Variants in KCND2 observed in about 807,000 individuals in gnomAD.
KCND2 encodes the protein A-type voltage-gated potassium channel KCND2.
In KCND2, 16 loss-of-function variants were observed where a neutral mutation model predicts 54.4. That is an observed-to-expected ratio of 0.29 (90% CI 0.20 to 0.45). The LOEUF is 0.45. Ranked by LOEUF, KCND2 falls within the 20% of genes least tolerant of loss-of-function variation. The pLI, the probability that KCND2 is intolerant of heterozygous loss-of-function variation, is 1.00. For missense variants in KCND2, 486 were observed against 824.2 expected, an observed-to-expected ratio of 0.59 and a Z score of 5.02; for synonymous variants, 317 against 310.7, an observed-to-expected ratio of 1.02 and a Z score of -0.21.
At chr7:120,626,602 A>G (rs1793167142) in intron 1 of KCND2, among the ~76,000 whole-genome samples, 1 of 152,190 alleles carries the variant, frequency 6.6e-6, no homozygotes, top group Non-Finnish European at 1.5e-5. Context: ...TCAGTCTATA[A>G]TTGATGGCAC....
At chr7:120,645,979 C>T (rs971051827) in intron 1 of KCND2, among the ~76,000 whole-genome samples, 13 of 152,136 alleles carry the variant, frequency 8.5e-5, no homozygotes, top group African/African-American at 3.1e-4. Context: ...AAATAGATAC[C>T]ACTATTTAAG....
At chr7:120,587,016 A>G (rs949310218) in intron 1 of KCND2, among the ~76,000 whole-genome samples, 2 of 152,162 alleles carry the variant, frequency 1.3e-5, no homozygotes, top group Non-Finnish European at 2.9e-5. Flanking sequence ...TGAAATCCAA[A>G]TAGGGATTTT....
chr7:120,309,867 C>A (rs781569766), intron 1 of KCND2, among the ~76,000 whole-genome samples: 4 of 152,058 alleles, frequency 2.6e-5, no homozygotes, highest in African/African-American at 9.7e-5. Flanking sequence ...GTCTACAAAC[C>A]AGTCACAGGG....
intron 1 of KCND2, among the ~76,000 whole-genome samples, chr7:120,540,324 G>A (rs1180583707): frequency 1.3e-5 from 2 of 152,054 alleles, no homozygotes; most frequent in East Asian, 1.9e-4. Flanking sequence ...CTCTCTCCAC[G>A]ATTTTCCCTG....
chr7:120,414,605 A>G (rs774022544), intron 1 of KCND2, among the ~76,000 whole-genome samples: 14 of 152,098 alleles, frequency 9.2e-5, no homozygotes, highest in Non-Finnish European at 2.9e-5. Context: ...CATGCTCAGT[A>G]CTTATCAAAT....
intron 1 of KCND2, among the ~76,000 whole-genome samples, chr7:120,589,172 A>G (rs1243592491): frequency 6.6e-6 from 1 of 152,180 alleles, no homozygotes; most frequent in African/African-American, 2.4e-5. Context: ...GTTAGAAAGT[A>G]GGTGAATATA....
chr7:120,457,429 C>A (rs9656276), intron 1 of KCND2, among the ~76,000 whole-genome samples: 9,325 of 152,206 alleles, frequency 0.061, 876 homozygotes, highest in African/African-American at 0.21. Flanking sequence ...CTGCCAGATA[C>A]CCTAAATCAT....
At chr7:120,441,448 A>G (rs1801943947) in intron 1 of KCND2, among the ~76,000 whole-genome samples, 1 of 152,098 alleles carries the variant, frequency 6.6e-6, no homozygotes, top group Non-Finnish European at 1.5e-5. Flanking sequence ...TTTGATTTTG[A>G]GGCTCATTTT....
In KCND2 at chr7:120,693,286, C is replaced by G. The variant is rs1267455089; in HGVS notation, c.1116-39617C>G. Among the ~76,000 whole-genome samples, 3 of 152,142 alleles carry G rather than the reference C, an allele frequency of 2.0e-5. No homozygotes were observed. The East Asian group carries it at 5.8e-4, about 29-fold the overall frequency. On this transcript the variant is annotated intron_variant, in intron 1 of 5. Coordinates refer to ENST00000331113, the MANE Select transcript of KCND2 (RefSeq NM_012281.3). The stretch of plus-strand genomic sequence containing the variant: ...TATTAATAATCATACTATTCATCCT[C>G]AGAGCACCACGTACTTCCGCTTCGT...
intron 1 of KCND2, among the ~76,000 whole-genome samples, chr7:120,402,690 A>C (rs1357447812): frequency 6.6e-6 from 1 of 152,176 alleles, no homozygotes; most frequent in East Asian, 1.9e-4. Context: ...TTTGATAATA[A>C]ATTCCAGTGT....
intron 1 of KCND2, among the ~76,000 whole-genome samples, chr7:120,425,268 T>C (rs991445914): frequency 1.3e-5 from 2 of 152,108 alleles, no homozygotes; most frequent in Non-Finnish European, 2.9e-5. Context: ...ACTTCCAAAG[T>C]ACAGAATATT....
intron 1 of KCND2, among the ~76,000 whole-genome samples, chr7:120,341,529 A>G (rs1800239428): frequency 6.6e-6 from 1 of 152,138 alleles, no homozygotes; most frequent in Non-Finnish European, 1.5e-5. Flanking sequence ...TAGAGTTGGG[A>G]TACTAGAGCA....
chr7:120,368,167 A>G (rs1348730574), intron 1 of KCND2, among the ~76,000 whole-genome samples: 1 of 152,078 alleles, frequency 6.6e-6, no homozygotes, highest in Non-Finnish European at 1.5e-5. Flanking sequence ...AATTTCTGTG[A>G]TGTAAAGATT....
intron 1 of KCND2, among the ~76,000 whole-genome samples, chr7:120,439,613 T>C (rs1801920672): frequency 6.6e-6 from 1 of 152,028 alleles, no homozygotes; most frequent in African/African-American, 2.4e-5. Context: ...ATTTCTTACA[T>C]CTAGCTGTAA....
At chr7:120,598,665 G>T (rs1041927311) in intron 1 of KCND2, among the ~76,000 whole-genome samples, 1 of 151,850 alleles carries the variant, frequency 6.6e-6, no homozygotes, top group African/African-American at 2.4e-5. Context: ...TAAATAATTG[G>T]ATTGTTTGTT....
chr7:120,442,133 A>G (rs1390566056), intron 1 of KCND2, among the ~76,000 whole-genome samples: 1 of 152,072 alleles, frequency 6.6e-6, no homozygotes, highest in East Asian at 1.9e-4. Context: ...CTGACTACCA[A>G]ATTTTCAACT....
chr7:120,375,896 G>A (rs1299785852), intron 1 of KCND2, among the ~76,000 whole-genome samples: 2 of 151,682 alleles, frequency 1.3e-5, no homozygotes, highest in Non-Finnish European at 2.9e-5. Flanking sequence ...GCTTTAGTGG[G>A]AAAATAATCC....
intron 1 of KCND2, among the ~76,000 whole-genome samples, chr7:120,589,679 G>A (rs970067596): frequency 2.0e-5 from 3 of 152,062 alleles, no homozygotes; most frequent in African/African-American, 7.2e-5. Flanking sequence ...TTATTCTCTA[G>A]GAAAAATAAA....
chr7:120,602,782 T>C (rs1180286001), intron 1 of KCND2, among the ~76,000 whole-genome samples: 1 of 152,226 alleles, frequency 6.6e-6, no homozygotes, highest in East Asian at 1.9e-4. Context: ...TCTCCAGTTG[T>C]TTCTGTGGAT....
Sources: allele counts gnomAD v4.1 joint callset (sites outside exome capture counted in the v4.1 genomes callset), GRCh38; gene constraint gnomAD v4.1.1; transcripts MANE v1.5; gene names NCBI Gene and HGNC (gene_info 2026-07-23, HGNC 2026-07-21).